CHD7: variants seen among roughly 807,000 people sequenced by gnomAD.
The protein encoded by CHD7 is chromodomain helicase DNA binding protein 7, also known as ATP-dependent chromatin remodeler CHD7.
A neutral mutation model predicts 307.3 loss-of-function variants in CHD7; 24 were observed. The observed-to-expected ratio is 0.08, with a 90% CI of 0.06 to 0.11. The LOEUF (loss-of-function observed/expected upper bound fraction) is 0.11. CHD7 is among the 10% of genes least tolerant of loss of function. The pLI is 1.00. For synonymous variants in CHD7, 1,363 were observed against 1,349.9 expected (o/e 1.01, Z -0.21); for missense variants, 3,106 against 3,727.1 (o/e 0.83, Z 4.34).
chr8:60,852,941 C>G lies in CHD7; in HGVS notation c.6216C>G (p.Pro2072=), dbSNP rs199828744. ...TCCGCGAGCAGGTTCTCCATCACCCCCAGCTGGGAGAGAGGCTTAAGCTCT... is the reference window on the plus strand; with the variant it reads ...TCCGCGAGCAGGTTCTCCATCACCCGCAGCTGGGAGAGAGGCTTAAGCTCT... The part of the protein sequence containing the change: ...RKIREQVLHH[P]QLGERLKLCQ... Residue 2072 remains proline, a synonymous_variant, in exon 31 of 38, where the codon CCC becomes CCG. Coordinates refer to ENST00000423902, the MANE Select transcript of CHD7 (RefSeq NM_017780.4). The G allele has an allele frequency of 7.6e-4, 1,233 of 1,613,950 alleles. 3 individuals carry two copies. Among genetic ancestry groups the G allele is most frequent in the Non-Finnish European group, 9.8e-4 (1,152 of 1,179,878 alleles).
At chr8:60,795,313 A>T (rs1488901059) in intron 4 of CHD7, among the ~76,000 whole-genome samples, 186 bp downstream of exon 4, 2 of 151,922 alleles carry the variant, frequency 1.3e-5, no homozygotes, top group African/African-American at 4.8e-5. Context: ...AAGAAATTAT[A>T]CTCCTGACAA....
intron 1 of CHD7, chr8:60,679,451 C>CGGGG (rs1805458431): frequency 6.5e-5 from 2 of 30,766 alleles, no homozygotes; most frequent in Non-Finnish European, 1.4e-4. Context: ...GGGGGGGGTA[C>CGGGG]GGGGGACAGG....
At chr8:60,851,588 A>G (rs1324542407) in intron 28 of CHD7, among the ~76,000 whole-genome samples, 1 of 152,282 alleles carries the variant, frequency 6.6e-6, no homozygotes, top group Non-Finnish European at 1.5e-5. Context: ...TCTAAACTAT[A>G]GCTCTTGGGA....
At chr8:60,777,427 A>G (rs1811001801) in intron 2 of CHD7, among the ~76,000 whole-genome samples, 2 of 152,228 alleles carry the variant, frequency 1.3e-5, no homozygotes. Context: ...GAAATTAGAT[A>G]GCTTTTTAAG....
intron 7 of CHD7, among the ~76,000 whole-genome samples, chr8:60,811,451 G>T (rs962072474): frequency 5.3e-5 from 8 of 152,076 alleles, no homozygotes; most frequent in African/African-American, 1.9e-4. Context: ...TTTGTGCTTT[G>T]CTTTTTTTCA....
chr8:60,866,103 C>A lies in CHD7; in HGVS notation c.*170C>A. 1.6e-6 allele frequency: 1 copy of A among 612,632 alleles called. No individual in the cohort carries two copies. The highest frequency in any genetic ancestry group is 2.9e-6 in the Non-Finnish European group (1 of 348,874). The allele number at this position is 612,632 out of a possible 1,614,324, so 37.9% of individuals were successfully genotyped here. A position where few individuals can be genotyped will look rare whatever the true frequency, so the allele number is the denominator to read the frequency against. ...CAGGTGTGTCAAAAGGTATCTTGGT[C>A]ATTAAGTATTGTGCAGTGCATTATT... On this transcript the variant is annotated 3_prime_UTR_variant, in exon 38 of 38. Coordinates refer to ENST00000423902, the MANE Select transcript of CHD7 (RefSeq NM_017780.4).
At chr8:60,851,669 C>G (rs1201620084) in intron 28 of CHD7, among the ~76,000 whole-genome samples, 1 of 152,150 alleles carries the variant, frequency 6.6e-6, no homozygotes, top group Non-Finnish European at 1.5e-5. Context: ...TGACCTTTTA[C>G]CGAATATAAA....
intron 1 of CHD7, among the ~76,000 whole-genome samples, chr8:60,704,321 G>A (rs1285228143): frequency 6.6e-6 from 1 of 151,890 alleles, no homozygotes; most frequent in Non-Finnish European, 1.5e-5. Context: ...TGGGCCAAAT[G>A]ACCACACAAA....
At chr8:60,721,003 A>T (rs998028573) in intron 1 of CHD7, among the ~76,000 whole-genome samples, 3 of 152,122 alleles carry the variant, frequency 2.0e-5, no homozygotes, top group Non-Finnish European at 4.4e-5. Context: ...TGCTTTTCCA[A>T]GTGGACACTT....
At chr8:60,794,285 C>T (rs949908145) in intron 3 of CHD7, among the ~76,000 whole-genome samples, 1 of 152,074 alleles carries the variant, frequency 6.6e-6, no homozygotes. Flanking sequence ...ATTCTAATAA[C>T]ATTTGTCAGC....
chr8:60,788,506 G>A (rs1379859733), intron 3 of CHD7, among the ~76,000 whole-genome samples: 1 of 152,150 alleles, frequency 6.6e-6, no homozygotes, highest in Non-Finnish European at 1.5e-5. Context: ...AACATTTATT[G>A]TCCATCAGTA....
intron 3 of CHD7, among the ~76,000 whole-genome samples, chr8:60,792,861 G>A (rs1049902668): frequency 2.0e-5 from 3 of 152,200 alleles, no homozygotes; most frequent in African/African-American, 7.2e-5. Flanking sequence ...CTCTTTGACA[G>A]GCCTACCTCT....
At chr8:60,838,498 C>A (rs572725703) in intron 19 of CHD7, among the ~76,000 whole-genome samples, 2 of 152,204 alleles carry the variant, frequency 1.3e-5, no homozygotes, top group African/African-American at 4.8e-5. Context: ...TGAGGCTAAT[C>A]GCTCACTTGT....
intron 1 of CHD7, among the ~76,000 whole-genome samples, chr8:60,690,343 T>C (rs1806134124): frequency 6.6e-6 from 1 of 152,232 alleles, no homozygotes; most frequent in Non-Finnish European, 1.5e-5. Context: ...ATGGTAAGCC[T>C]CTACTTAAAA....
intron 1 of CHD7, among the ~76,000 whole-genome samples, chr8:60,733,778 C>CTT (rs1225246780): frequency 2.2e-5 from 3 of 138,730 alleles, no homozygotes; most frequent in Non-Finnish European, 4.7e-5. Context: ...AAAAGAACAG[C>CTT]TTTTTTTTTT....
At chr8:60,793,235 C>T (rs545047656) in intron 3 of CHD7, among the ~76,000 whole-genome samples, 26 of 151,862 alleles carry the variant, frequency 1.7e-4, no homozygotes, top group African/African-American at 4.6e-4. Context: ...GGATGAGGAA[C>T]GGTTGTATGG....
At chr8:60,688,458 A>G (rs1806026460) in intron 1 of CHD7, among the ~76,000 whole-genome samples, 1 of 152,248 alleles carries the variant, frequency 6.6e-6, no homozygotes, top group Non-Finnish European at 1.5e-5. Context: ...ATGACTGGAC[A>G]AGAATGAGTG....
At chr8:60,786,897 C>T (rs1385987616) in intron 3 of CHD7, among the ~76,000 whole-genome samples, 1 of 152,200 alleles carries the variant, frequency 6.6e-6, no homozygotes, top group African/African-American at 2.4e-5. Flanking sequence ...TCTTCGGGTG[C>T]TTGTGCAAAG....
chr8:60,687,193 G>C (rs969342696), intron 1 of CHD7, among the ~76,000 whole-genome samples: 1 of 152,222 alleles, frequency 6.6e-6, no homozygotes. Context: ...ATACTAAGCA[G>C]TCATAGTGAG....
Sources: allele counts gnomAD v4.1 joint callset (sites outside exome capture counted in the v4.1 genomes callset), GRCh38; gene constraint gnomAD v4.1.1; transcripts MANE v1.5; gene names NCBI Gene and HGNC (gene_info 2026-07-23, HGNC 2026-07-21).